Variants in SUGCT observed in about 807,000 individuals in gnomAD.
SUGCT encodes the protein succinyl-CoA:glutarate-CoA transferase, also known as succinyl-CoA:glutarate CoA-transferase.
In SUGCT, 41 loss-of-function variants were observed where a neutral mutation model predicts 55.0. The ratio of observed to expected loss-of-function variants is 0.74; its 90% confidence interval spans 0.58 to 0.97. The LOEUF (loss-of-function observed/expected upper bound fraction) is 0.97. Ranked by LOEUF, SUGCT falls within the 50% of genes least tolerant of loss-of-function variation. The pLI, the probability that SUGCT is intolerant of heterozygous loss-of-function variation, is 0.00. For missense variants in SUGCT, 568 were observed against 547.8 expected (o/e 1.04, Z -0.37); for synonymous variants, 187 against 200.4 (o/e 0.93, Z 0.56).
intron 11 of SUGCT, among the ~76,000 whole-genome samples, chr7:40,481,585 T>G (rs1554347859): frequency 6.6e-6 from 1 of 151,098 alleles, no homozygotes; most frequent in Non-Finnish European, 1.5e-5. Context: ...AATATAAAAA[T>G]CATCTACACA....
At chr7:40,983,250 C>T in the SUGCT span, among the ~76,000 whole-genome samples, 6 of 152,068 alleles carry the variant, frequency 3.9e-5, no homozygotes, top group Admixed American at 1.3e-4. Flanking sequence ...TGGTCTGAGG[C>T]CTTCTCACCC....
the SUGCT span, among the ~76,000 whole-genome samples, chr7:40,890,281 T>TTTA: frequency 7.0e-6 from 1 of 142,794 alleles, no homozygotes; most frequent in Non-Finnish European, 1.5e-5. Flanking sequence ...ATAAATTAAA[T>TTTA]ATTTATATTA....
chr7:40,290,691 A>G (rs1337871494), intron 8 of SUGCT, among the ~76,000 whole-genome samples: 7 of 152,184 alleles, frequency 4.6e-5, no homozygotes, highest in African/African-American at 1.7e-4. Context: ...TGCACAGCAA[A>G]AGAAACTACC....
intron 13 of SUGCT, among the ~76,000 whole-genome samples, chr7:40,776,840 T>G (rs4460274): frequency 6.6e-6 from 1 of 152,016 alleles, no homozygotes; most frequent in Non-Finnish European, 1.5e-5. Flanking sequence ...GCACTTGGCT[T>G]TGGAGAACCC....
At chr7:40,618,163 C>T (rs957808499) in intron 12 of SUGCT, among the ~76,000 whole-genome samples, 3 of 152,062 alleles carry the variant, frequency 2.0e-5, no homozygotes, top group Admixed American at 2.0e-4. Context: ...TTTTGATCCT[C>T]TCAATTCTTA....
chr7:40,778,816 T>G (rs772301538), intron 13 of SUGCT, among the ~76,000 whole-genome samples: 1 of 152,244 alleles, frequency 6.6e-6, no homozygotes, highest in South Asian at 2.1e-4. Context: ...GTAGGTGAGA[T>G]GAAGCTGAGA....
At chr7:40,524,891 A>G (rs987867294) in intron 12 of SUGCT, among the ~76,000 whole-genome samples, 2 of 152,166 alleles carry the variant, frequency 1.3e-5, no homozygotes, top group African/African-American at 4.8e-5. Flanking sequence ...GTGGTGTGGT[A>G]GAGAGTGGAG....
At chr7:40,888,996 A>C in the SUGCT span, among the ~76,000 whole-genome samples, 1 of 152,208 alleles carries the variant, frequency 6.6e-6, no homozygotes, top group African/African-American at 2.4e-5. Context: ...ATACTGCTGC[A>C]TGGATTGTGT....
At chr7:40,418,340 G>A (rs1583636354) in intron 9 of SUGCT, among the ~76,000 whole-genome samples, 2 of 152,098 alleles carry the variant, frequency 1.3e-5, no homozygotes, top group Admixed American at 6.5e-5. Context: ...CTTCTCCTTG[G>A]TTGGGTGATA....
intron 1 of SUGCT, among the ~76,000 whole-genome samples, chr7:40,141,478 C>T (rs911276558): frequency 2.0e-5 from 3 of 151,590 alleles, no homozygotes; most frequent in East Asian, 1.9e-4. Context: ...AGTAAAAATA[C>T]AAAAAAATAG....
At chr7:40,743,788 G>C (rs1362903053) in intron 12 of SUGCT, among the ~76,000 whole-genome samples, 5 of 152,158 alleles carry the variant, frequency 3.3e-5, no homozygotes, top group Admixed American at 3.3e-4. Context: ...GCCGCTTCTT[G>C]TGAGCACACT....
intron 13 of SUGCT, among the ~76,000 whole-genome samples, chr7:40,821,938 TGTCCC>T (rs1792042474): frequency 1.3e-5 from 2 of 152,204 alleles, no homozygotes; most frequent in Admixed American, 6.5e-5. Context: ...GCTTTAAATG[TGTCCC>T]AGAGATTCTG....
chr7:40,926,461 A>G, the SUGCT span, among the ~76,000 whole-genome samples: 1 of 152,084 alleles, frequency 6.6e-6, no homozygotes, highest in Admixed American at 6.6e-5. Flanking sequence ...GCAAAGATAA[A>G]AACTTAGAAT....
At chr7:40,823,186 C>A (rs1020429588) in intron 13 of SUGCT, among the ~76,000 whole-genome samples, 2 of 152,042 alleles carry the variant, frequency 1.3e-5, no homozygotes, top group Non-Finnish European at 2.9e-5. Flanking sequence ...ATGGAGCAAC[C>A]CCCTTAAATA....
intron 12 of SUGCT, among the ~76,000 whole-genome samples, chr7:40,617,167 G>T (rs1410275119): frequency 6.6e-6 from 1 of 151,908 alleles, no homozygotes; most frequent in Non-Finnish European, 1.5e-5. Context: ...CTAAAGACTG[G>T]AATTATGTCT....
intron 12 of SUGCT, among the ~76,000 whole-genome samples, chr7:40,675,627 G>A (rs192722631): frequency 6.6e-6 from 1 of 152,284 alleles, no homozygotes; most frequent in African/African-American, 2.4e-5. Flanking sequence ...AGATGAAGGA[G>A]GTATGGGAGT....
chr7:41,028,720 G>C, the SUGCT span, among the ~76,000 whole-genome samples: 1 of 152,196 alleles, frequency 6.6e-6, no homozygotes, highest in African/African-American at 2.4e-5. Flanking sequence ...ACAGTCCATT[G>C]TTGACTAAAA....
intron 12 of SUGCT, among the ~76,000 whole-genome samples, chr7:40,637,570 A>G (rs539706125): frequency 2.0e-5 from 3 of 152,352 alleles, no homozygotes; most frequent in Middle Eastern, 6.8e-3. Flanking sequence ...GCAAACTACT[A>G]GAACACATGG....
chr7:40,370,001 C>A (rs1049902698), intron 9 of SUGCT, among the ~76,000 whole-genome samples: 2 of 152,112 alleles, frequency 1.3e-5, no homozygotes, highest in Admixed American at 6.6e-5. Context: ...TCATGCAATA[C>A]ATGATATTGC....
Sources: gnomAD v4.1 joint callset for allele counts (sites outside exome capture counted in the v4.1 genomes callset) on GRCh38, gnomAD v4.1.1 for gene constraint, MANE v1.5 for transcripts, NCBI Gene and HGNC (gene_info 2026-07-23, HGNC 2026-07-21) for gene names.